Variants in ZPLD1 observed in about 807,000 individuals in gnomAD.
ZPLD1 encodes the protein zona pellucida like domain containing 1.
ZPLD1 carries 34 observed loss-of-function variants against 47.2 expected under a neutral mutation model. The ratio of observed to expected loss-of-function variants is 0.72; its 90% CI spans 0.55 to 0.96. ZPLD1 has a LOEUF of 0.96. ZPLD1 is among the 40% of genes least tolerant of loss of function. The pLI is 0.00. For synonymous variants in ZPLD1, 176 were observed against 186.2 expected, an observed-to-expected ratio of 0.95 and a Z score of 0.45; for missense variants, 512 against 505.8, an observed-to-expected ratio of 1.01 and a Z score of -0.12.
rs116401721 is a variant in ZPLD1, at chr3:102,451,387, G to A, written c.107-1532G>A. Among the ~76,000 whole-genome samples the A allele has an allele frequency of 2.0e-3, 300 of 152,282 alleles. 1 individual carries two copies. The highest frequency in any genetic ancestry group is 6.5e-3 in the African/African-American group (270 of 41,556). ...TGGTTTTCCTCTTTTGGACAATCAA[G>A]GTCATTTCCCCATTGAAAAGCATAA... On this transcript the variant is annotated intron_variant, in intron 3 of 11. Transcript: ENST00000466937.
At chr3:102,393,888 A>G (rs1706529335) in intron 7 of ZPLD1, among the ~76,000 whole-genome samples, 1 of 152,146 alleles carries the variant, frequency 6.6e-6, no homozygotes, top group East Asian at 1.9e-4. Context: ...AGAGAAAACA[A>G]CATAATGCAG....
intron 4 of ZPLD1, 122 bp downstream of exon 4, chr3:102,453,261 T>G (rs1707366878): frequency 5.6e-6 from 5 of 897,386 alleles, no homozygotes; most frequent in Non-Finnish European, 8.4e-6. Context: ...AACAAATCAC[T>G]TTCCTTTGCC....
At chr3:102,412,726 C>A (rs994306539) in intron 7 of ZPLD1, among the ~76,000 whole-genome samples, 1 of 151,510 alleles carries the variant, frequency 6.6e-6, no homozygotes, top group African/African-American at 2.4e-5. Flanking sequence ...AATGGACTAC[C>A]CCTTATCAAG....
chr3:102,400,417 G>A (rs185270623), intron 7 of ZPLD1, among the ~76,000 whole-genome samples: 73 of 152,166 alleles, frequency 4.8e-4, no homozygotes, highest in African/African-American at 1.7e-3. Context: ...CTCCTGCTAC[G>A]CACATTGGAA....
In ZPLD1 at chr3:102,477,815, G is replaced by C; in HGVS notation, c.*197G>C. The C allele has an allele frequency of 2.3e-6, 1 of 439,494 alleles. No homozygotes were observed. The highest frequency in any genetic ancestry group is 7.8e-5 in the South Asian group (1 of 12,866). The allele number at this position is 439,494 out of a possible 1,614,324, so 27.2% of individuals were successfully genotyped here. ...CTATTGTCACTTATGTACGTGGCGA[G>C]CCGTATTTTTATGCCACCAGTGAAT... On this transcript the variant is annotated 3_prime_UTR_variant, in exon 12 of 12. Transcript: ENST00000466937.
intron 8 of ZPLD1, among the ~76,000 whole-genome samples, chr3:102,429,612 C>G (rs1382803003): frequency 6.6e-6 from 1 of 152,014 alleles, no homozygotes; most frequent in Non-Finnish European, 1.5e-5. Flanking sequence ...ATTGGATGCT[C>G]TTATGAATTA....
chr3:102,443,544 A>C (rs966174842), intron 3 of ZPLD1, among the ~76,000 whole-genome samples: 10 of 152,212 alleles, frequency 6.6e-5, no homozygotes, highest in South Asian at 4.1e-4. Context: ...GCCACGTCTA[A>C]GGATCTGAAA....
chr3:102,440,827 G>A (rs1221820454), intron 3 of ZPLD1, among the ~76,000 whole-genome samples: 7 of 151,168 alleles, frequency 4.6e-5, no homozygotes, highest in Admixed American at 1.3e-4. Flanking sequence ...CAATTCCTGG[G>A]ACTATAGAGG....
intron 7 of ZPLD1, among the ~76,000 whole-genome samples, chr3:102,405,174 C>G (rs1479930746): frequency 2.0e-5 from 3 of 151,896 alleles, no homozygotes; most frequent in African/African-American, 7.2e-5. Context: ...AATAAGTGCA[C>G]TTAATAATCC....
At chr3:102,426,148 ACACACACACATG>A (rs968245915) in intron 8 of ZPLD1, among the ~76,000 whole-genome samples, 3 of 151,738 alleles carry the variant, frequency 2.0e-5, no homozygotes, top group African/African-American at 7.3e-5. Flanking sequence ...ACACACACAC[ACACACACACATG>A]CACACACACA....
chr3:102,417,238 T>C (rs1347496059), intron 7 of ZPLD1, among the ~76,000 whole-genome samples: 1 of 151,964 alleles, frequency 6.6e-6, no homozygotes, highest in Non-Finnish European at 1.5e-5. Flanking sequence ...GACGGAGTAA[T>C]ATAAATCAAT....
rs1424257641 is a variant in ZPLD1 at position 102,479,805 on chromosome 3, A to C, written c.*2187A>C. 1 of 152,144 alleles carries C rather than the reference A, an allele frequency of 6.6e-6. No homozygotes were observed. Among genetic ancestry groups the C allele is most frequent in the Non-Finnish European group, 1.5e-5 (1 of 68,006 alleles). The allele number at this position is 152,144 out of a possible 1,614,324, so 9.4% of individuals were successfully genotyped here. ...AGGGGTAAGGTCTGATGACATGTAA[A>C]AGATGATCGTTTAATAAAATAATTG... On this transcript the variant is annotated 3_prime_UTR_variant, in exon 12 of 12. Transcript: ENST00000466937.
Position 102,457,871 on chromosome 3 carries a change from G to A in ZPLD1, c.582+18G>A, listed in dbSNP as rs887934941. On this transcript the variant is annotated intron_variant, in intron 6 of 11. Coordinates refer to ENST00000466937, the MANE Select transcript of ZPLD1 (RefSeq NM_001329788.2). ...TTTATAACGTAAGTTGATGGGTGAA[G>A]GATGTTATTTTCTCTTTCACTGTTG... The A allele has an allele frequency of 1.9e-6, 3 of 1,612,100 alleles. No homozygotes were observed. Among genetic ancestry groups the A allele is most frequent in the Non-Finnish European group, 1.7e-6 (2 of 1,178,570 alleles).
chr3:102,465,367 T>A (rs2107349671), intron 8 of ZPLD1, among the ~76,000 whole-genome samples: 1 of 152,334 alleles, frequency 6.6e-6, no homozygotes, highest in South Asian at 2.1e-4. Context: ...GTTGGCTTTC[T>A]CCTACCTTCT....
At chr3:102,467,175 C>T (rs568506726) in intron 8 of ZPLD1, among the ~76,000 whole-genome samples, 61 of 151,988 alleles carry the variant, frequency 4.0e-4, no homozygotes, top group Admixed American at 3.9e-3. Flanking sequence ...CAATTTATAA[C>T]GATATCAAAA....
Position 102,419,513 on chromosome 3 carries a change from C to T in ZPLD1, c.-9+1306C>T, listed in dbSNP as rs537459250. On this transcript the variant is annotated intron_variant, in intron 8 of 17. Transcript: ENST00000491959. ...CAACAAATTCTACATTTCTTTGTTT[C>T]TCTCTCTCTTGTTTTTCATGATTCT... Among the ~76,000 whole-genome samples, 9 of 151,414 alleles carry T rather than the reference C, an allele frequency of 5.9e-5. No individual in the cohort carries two copies. In the South Asian group the frequency reaches 1.9e-3, roughly 32 times the overall value.
At chr3:102,386,334 A>G (rs1031736556) in intron 6 of ZPLD1, among the ~76,000 whole-genome samples, 7 of 144,870 alleles carry the variant, frequency 4.8e-5, no homozygotes, top group Non-Finnish European at 7.5e-5. Flanking sequence ...TTGTGTAGCC[A>G]TGTTTGAGAA....
At position 102,417,391 on chromosome 3, in the gene ZPLD1, C is replaced by A. The variant is rs568370076; in HGVS notation, c.-156-669C>A. On this transcript the variant is annotated intron_variant, in intron 7 of 17. Transcript: ENST00000491959. ...CGCTGTGGTGCCTGTGTCGCAGGTT[C>A]CCACTCTTCTTTCCAAAGAGGAATC... Among the ~76,000 whole-genome samples, 8 of 152,012 alleles carry A rather than the reference C, an allele frequency of 5.3e-5. No homozygotes were observed. The South Asian group carries it at 1.5e-3, about 28-fold the overall frequency.
At position 102,477,602 on chromosome 3, in the gene ZPLD1, A is replaced by G. The variant is rs912214623; in HGVS notation, c.1232A>G (p.Asn411Ser). 9 of 1,612,542 alleles carry G rather than the reference A, an allele frequency of 5.6e-6. No individual in the cohort carries two copies. The African/African-American group carries it at 1.2e-4, about 22-fold the overall frequency. Residue 411 changes from asparagine (N) to serine (S), a missense_variant, in exon 12 of 12, where the codon AAC becomes AGC. Coordinates refer to ENST00000466937, the MANE Select transcript of ZPLD1 (RefSeq NM_001329788.2). ...PTSLVLNGIR[N>S]PVFD ...AGTTTAGTGTTGAATGGCATAAGAA[A>G]CCCAGTCTTTGACTGACTATAACAG...
Sources: gnomAD v4.1 joint callset for allele counts (sites outside exome capture counted in the v4.1 genomes callset) on GRCh38, gnomAD v4.1.1 for gene constraint, MANE v1.5 for transcripts, NCBI Gene and HGNC (gene_info 2026-07-23, HGNC 2026-07-21) for gene names.